FOXN3: variants seen among roughly 807,000 people sequenced by gnomAD.
FOXN3 encodes forkhead box N3.
Under a neutral mutation model 38.4 loss-of-function variants are expected in FOXN3, and 7 were observed. The observed-to-expected ratio is 0.18, with a 90% confidence interval of 0.10 to 0.34. The LOEUF is 0.34. Among genes scored for constraint, FOXN3 ranks in the 10% least tolerant of loss-of-function variants. FOXN3 has a pLI of 1.00. For synonymous variants in FOXN3, 230 were observed against 242.2 expected, an observed-to-expected ratio of 0.95 and a Z score of 0.47; for missense variants, 456 against 613.4, an observed-to-expected ratio of 0.74 and a Z score of 2.71.
intron 3 of FOXN3, among the ~76,000 whole-genome samples, chr14:89,308,976 G>C (rs1037677717): frequency 1.3e-5 from 2 of 152,204 alleles, no homozygotes; most frequent in Admixed American, 6.5e-5. Context: ...CCTGTTCCAG[G>C]CACTAGTTCC....
chr14:89,435,373 T>TAAA (rs763454392), intron 1 of FOXN3, among the ~76,000 whole-genome samples: 64 of 131,330 alleles, frequency 4.9e-4, no homozygotes, highest in African/African-American at 1.7e-3. Flanking sequence ...CCCTGTCTCT[T>TAAA]AAAAAAAAAA....
chr14:89,524,968 A>C (rs1435941432), intron 1 of FOXN3, among the ~76,000 whole-genome samples: 1 of 152,126 alleles, frequency 6.6e-6, no homozygotes, highest in Admixed American at 6.5e-5. Flanking sequence ...ATAGTTAGGC[A>C]GGAATATCAT....
In FOXN3 at chr14:89,492,193, T is replaced by C. The variant is rs372639856; in HGVS notation, c.-14-79703A>G. ...CTTCAAACACAATAACAGAACGTTA[T>C]GTAAACTCTCTCCTACCAATGCTAT... On this transcript the variant is annotated intron_variant, in intron 1 of 6. Transcript: ENST00000345097. 3.9e-4 allele frequency among the ~76,000 whole-genome samples: 59 copies of C among 152,326 alleles called. 1 individual carries two copies. The East Asian group carries it at 8.1e-3, about 21-fold the overall frequency.
intron 5 of FOXN3, among the ~76,000 whole-genome samples, chr14:89,175,496 T>A (rs1284334100): frequency 1.3e-5 from 2 of 152,276 alleles, no homozygotes; most frequent in African/African-American, 4.8e-5. Context: ...GCTAGGTGAA[T>A]CCATGAGGCT....
intron 4 of FOXN3, among the ~76,000 whole-genome samples, chr14:89,190,620 A>T (rs148533632): frequency 8.7e-4 from 133 of 152,346 alleles, no homozygotes; most frequent in African/African-American, 2.9e-3. Context: ...TGAGAAGAAG[A>T]AAAGGTATTC....
At chr14:89,294,105 ACTTTC>A (rs1344841101) in intron 3 of FOXN3, among the ~76,000 whole-genome samples, 1 of 152,028 alleles carries the variant, frequency 6.6e-6, no homozygotes, top group Admixed American at 6.6e-5. Context: ...GGGCTCCTGC[ACTTTC>A]CTTTCCTTTC....
chr14:89,214,008 T>C (rs1033026399), intron 4 of FOXN3, among the ~76,000 whole-genome samples: 1 of 152,206 alleles, frequency 6.6e-6, no homozygotes, highest in Non-Finnish European at 1.5e-5. Context: ...ACTAAGTCTC[T>C]TGGGGCAATA....
intron 1 of FOXN3, among the ~76,000 whole-genome samples, chr14:89,432,325 C>A (rs1029586797): frequency 6.6e-6 from 1 of 152,162 alleles, no homozygotes; most frequent in African/African-American, 2.4e-5. Context: ...CTAGGAAGGA[C>A]CAAAGGTGAT....
chr14:89,324,553 A>G (rs1195006452), intron 3 of FOXN3, among the ~76,000 whole-genome samples: 1 of 152,006 alleles, frequency 6.6e-6, no homozygotes, highest in African/African-American at 2.4e-5. Flanking sequence ...ATAACAGCAG[A>G]GCTACCCTTT....
At chr14:89,226,142 T>G (rs1884632062) in intron 4 of FOXN3, among the ~76,000 whole-genome samples, 1 of 137,144 alleles carries the variant, frequency 7.3e-6, no homozygotes, top group African/African-American at 2.8e-5. Flanking sequence ...GGAAATCTAG[T>G]TGTTTTCTGA....
chr14:89,597,250 G>A (rs1896075379), intron 1 of FOXN3, among the ~76,000 whole-genome samples: 1 of 151,822 alleles, frequency 6.6e-6, no homozygotes, highest in Admixed American at 6.6e-5. Context: ...AAACATATGG[G>A]GATTTTTCAT....
chr14:89,337,464 A>C (rs1026559851), intron 3 of FOXN3, among the ~76,000 whole-genome samples: 5 of 152,138 alleles, frequency 3.3e-5, no homozygotes, highest in African/African-American at 1.2e-4. Context: ...AACTTTTCCC[A>C]TTATGACTGG....
chr14:89,504,646 A>T (rs1893872898), intron 1 of FOXN3, among the ~76,000 whole-genome samples: 1 of 152,186 alleles, frequency 6.6e-6, no homozygotes, highest in Admixed American at 6.5e-5. Context: ...CCCACCAACC[A>T]AGTCCAGATT....
chr14:89,319,229 G>A (rs1327652359), intron 3 of FOXN3, among the ~76,000 whole-genome samples: 2 of 152,172 alleles, frequency 1.3e-5, no homozygotes, highest in Non-Finnish European at 2.9e-5. Flanking sequence ...CCCCCAGTGA[G>A]TCACTAGGAG....
chr14:89,524,352 C>T (rs1342487039), intron 1 of FOXN3, among the ~76,000 whole-genome samples: 8 of 92,914 alleles, frequency 8.6e-5, no homozygotes, highest in South Asian at 6.9e-4. Flanking sequence ...TCCAGCCTGG[C>T]GACAGCAAGA....
chr14:89,459,772 C>T (rs1892801155), intron 1 of FOXN3, among the ~76,000 whole-genome samples: 1 of 152,148 alleles, frequency 6.6e-6, no homozygotes, highest in Admixed American at 6.5e-5. Context: ...CATCCATAAA[C>T]CCGGAACCCT....
chr14:89,422,928 G>A lies in FOXN3; in HGVS notation c.-14-10438C>T, dbSNP rs369743925. On this transcript the variant is annotated intron_variant, in intron 1 of 6. Transcript: ENST00000345097. ...CAAACCTGAGCTTGTCAAGCCGGCT[G>A]CTGGAGGCAAAATGGAAATATAGAA... 5.3e-5 allele frequency among the ~76,000 whole-genome samples: 8 copies of A among 152,312 alleles called. No homozygotes were observed. The East Asian group carries it at 7.7e-4, about 15-fold the overall frequency.
In FOXN3 at chr14:89,161,626, T is replaced by G. The variant is rs542172817; in HGVS notation, c.*788A>C. On this transcript the variant is annotated 3_prime_UTR_variant, in exon 6 of 6. Coordinates refer to ENST00000557258, the MANE Select transcript of FOXN3 (RefSeq NM_005197.4). ...GCGTGCACAGGGCCAATCTTCAGGC[T>G]TATGGCTTTTGGAACATTTTCTTAA... 6.7e-6 allele frequency: 1 copy of G among 148,858 alleles called. No homozygotes were observed. The highest frequency in any genetic ancestry group is 2.1e-4 in the South Asian group (1 of 4,674). The allele number at this position is 148,858 out of a possible 1,614,324, so 9.2% of individuals were successfully genotyped here.
intron 3 of FOXN3, among the ~76,000 whole-genome samples, chr14:89,337,113 G>T (rs753326386): frequency 6.6e-6 from 1 of 152,236 alleles, no homozygotes; most frequent in East Asian, 1.9e-4. Context: ...ATGGTATGCC[G>T]CCAGAATGCC....
Sources: gnomAD v4.1 joint callset for allele counts (sites outside exome capture counted in the v4.1 genomes callset) on GRCh38, gnomAD v4.1.1 for gene constraint, MANE v1.5 for transcripts, NCBI Gene and HGNC (gene_info 2026-07-23, HGNC 2026-07-21) for gene names.